The following KCNH1 variants were observed in gnomAD, a reference collection of about 807,000 sequenced individuals.
The protein encoded by KCNH1 is voltage-gated delayed rectifier potassium channel KCNH1.
Under a neutral mutation model 69.2 loss-of-function variants are expected in KCNH1, and 27 were observed. The observed-to-expected ratio is 0.39, with a 90% confidence interval of 0.29 to 0.54. The LOEUF is 0.54. Ranked by LOEUF, KCNH1 falls within the 20% of genes least tolerant of loss-of-function variation. KCNH1 has a pLI of 0.68. For synonymous variants in KCNH1, 456 were observed against 487.7 expected, an observed-to-expected ratio of 0.93 and a Z score of 0.86; for missense variants, 798 against 1,261.6, an observed-to-expected ratio of 0.63 and a Z score of 5.57.
At chr1:210,688,163 A>C (rs1681446953) in intron 10 of KCNH1, among the ~76,000 whole-genome samples, 1 of 152,210 alleles carries the variant, frequency 6.6e-6, no homozygotes, top group South Asian at 2.1e-4. Context: ...GCATTTCTTA[A>C]GCCAGTTCCC....
At chr1:210,825,588 G>A (rs79101519) in intron 7 of KCNH1, among the ~76,000 whole-genome samples, 1 of 152,190 alleles carries the variant, frequency 6.6e-6, no homozygotes, top group South Asian at 2.1e-4. Context: ...CTCATGAAGT[G>A]TCTGAAAAGG....
chr1:211,131,264 C>T (rs1446314787), intron 1 of KCNH1, among the ~76,000 whole-genome samples: 1 of 151,924 alleles, frequency 6.6e-6, no homozygotes, highest in Non-Finnish European at 1.5e-5. Context: ...GAAGTCAGTA[C>T]TATTATTCAT....
chr1:210,845,711 G>A (rs1187295920), intron 7 of KCNH1, among the ~76,000 whole-genome samples: 4 of 152,226 alleles, frequency 2.6e-5, no homozygotes, highest in Admixed American at 1.3e-4. Context: ...TCAACATAGT[G>A]TTGGAAGTTC....
intron 5 of KCNH1, among the ~76,000 whole-genome samples, chr1:211,029,696 AAT>A (rs1399462353): frequency 9.9e-5 from 15 of 152,280 alleles, no homozygotes; most frequent in African/African-American, 3.4e-4. Flanking sequence ...CTGCTGTTGC[AAT>A]AATGCAAAAA....
intron 7 of KCNH1, among the ~76,000 whole-genome samples, chr1:210,826,834 G>A (rs1685041142): frequency 6.6e-6 from 1 of 152,204 alleles, no homozygotes; most frequent in South Asian, 2.1e-4. Context: ...AACCCAGTGA[G>A]CAATTACCTA....
At chr1:211,127,805 C>A (rs1328051553) in intron 1 of KCNH1, among the ~76,000 whole-genome samples, 1 of 152,182 alleles carries the variant, frequency 6.6e-6, no homozygotes, top group Non-Finnish European at 1.5e-5. Context: ...AACTGTTTGA[C>A]AGCATCTACC....
At chr1:210,738,368 T>C (rs1447058739) in intron 10 of KCNH1, among the ~76,000 whole-genome samples, 1 of 152,084 alleles carries the variant, frequency 6.6e-6, no homozygotes, top group Non-Finnish European at 1.5e-5. Context: ...GAAACTCTCA[T>C]TGCATGTTTT....
intron 5 of KCNH1, among the ~76,000 whole-genome samples, chr1:211,055,355 G>A (rs1462255083): frequency 2.6e-5 from 4 of 152,148 alleles, no homozygotes; most frequent in African/African-American, 7.2e-5. Flanking sequence ...ACCCATGGAG[G>A]GAGAATTCAG....
At chr1:210,935,316 G>T (rs1323765147) in intron 6 of KCNH1, among the ~76,000 whole-genome samples, 3 of 152,028 alleles carry the variant, frequency 2.0e-5, no homozygotes, top group African/African-American at 7.2e-5. Flanking sequence ...AAGATAAAAA[G>T]GTTTCTCATA....
intron 4 of KCNH1, among the ~76,000 whole-genome samples, chr1:211,087,978 T>C (rs1243253599): frequency 6.6e-6 from 1 of 152,182 alleles, no homozygotes; most frequent in African/African-American, 2.4e-5. Flanking sequence ...GGACCCTTTG[T>C]GGGCGATTTG....
rs957101792 is a variant in KCNH1 at position 210,844,943 on chromosome 1, T to C, written c.1463-40777A>G. ...TACAAACTACCATCAGAGAATACTATAAACACCTCTACGCAAATAAACTAG... is the reference window on the plus strand; with the variant it reads ...TACAAACTACCATCAGAGAATACTACAAACACCTCTACGCAAATAAACTAG... On this transcript the variant is annotated intron_variant, in intron 7 of 10. Coordinates refer to ENST00000271751, the MANE Select transcript of KCNH1 (RefSeq NM_172362.3). Among the ~76,000 whole-genome samples, 51 of 152,142 alleles carry C rather than the reference T, an allele frequency of 3.4e-4. 1 individual carries two copies. Among genetic ancestry groups the C allele is most frequent in the African/African-American group, 1.2e-3 (48 of 41,430 alleles).
intron 7 of KCNH1, among the ~76,000 whole-genome samples, chr1:210,847,163 T>A (rs1432232025): frequency 6.6e-6 from 1 of 152,126 alleles, no homozygotes; most frequent in African/African-American, 2.4e-5. Flanking sequence ...ATTGTGGAAG[T>A]CAGTGTGGCG....
chr1:210,919,609 G>A lies in KCNH1; in HGVS notation c.1462+31C>T. 2 of 1,582,768 alleles carry A rather than the reference G, an allele frequency of 1.3e-6. No homozygotes were observed. The highest frequency in any genetic ancestry group is 2.2e-5 in the East Asian group (1 of 44,532). ...CTGTTTCCAGCTAACAGAAGAGATG[G>A]CCAACCCCACCCCAGCACTGTCATA... is the stretch of plus-strand genomic sequence containing the variant. On this transcript the variant is annotated intron_variant, in intron 7 of 10. Transcript: ENST00000271751. This position sits in a 1 kb window ranked among gnomAD's most constrained non-coding sequence, Gnocchi z 4.2.
At chr1:210,833,347 T>C (rs1156577904) in intron 7 of KCNH1, among the ~76,000 whole-genome samples, 1 of 152,080 alleles carries the variant, frequency 6.6e-6, no homozygotes. Flanking sequence ...TATGGATCAA[T>C]GGAACAGAAC....
At chr1:210,892,364 T>C (rs756673408) in intron 7 of KCNH1, among the ~76,000 whole-genome samples, 17 of 152,168 alleles carry the variant, frequency 1.1e-4, no homozygotes, top group Non-Finnish European at 2.4e-4. Context: ...CCTGAAGAAA[T>C]GCCAGTTTCT....
At chr1:211,057,156 T>C (rs1690326560) in intron 5 of KCNH1, among the ~76,000 whole-genome samples, 1 of 152,214 alleles carries the variant, frequency 6.6e-6, no homozygotes, top group Non-Finnish European at 1.5e-5. Context: ...TTTAGAATTC[T>C]ATCAGATAAA....
At chr1:211,013,180 G>T (rs551666455) in intron 6 of KCNH1, among the ~76,000 whole-genome samples, 1 of 152,206 alleles carries the variant, frequency 6.6e-6, no homozygotes. Flanking sequence ...ACAGCCATAA[G>T]TTAACAGGAT....
chr1:210,722,505 AGGGGAT>A (rs1417506029), intron 10 of KCNH1, among the ~76,000 whole-genome samples: 3 of 152,310 alleles, frequency 2.0e-5, no homozygotes, highest in Admixed American at 6.5e-5. Context: ...CCCTGGGAGC[AGGGGAT>A]GGAGAAGGGC....
intron 5 of KCNH1, among the ~76,000 whole-genome samples, chr1:211,035,236 C>CTTCTTTTTTTTTTT (rs1689873312): frequency 4.0e-5 from 3 of 75,050 alleles, no homozygotes; most frequent in African/African-American, 1.7e-4. Context: ...TACTGGCATT[C>CTTCTTTTTTTTTTT]TTTTTTTTTT....
Sources: gnomAD v4.1 joint callset for allele counts (sites outside exome capture counted in the v4.1 genomes callset) on GRCh38, gnomAD v4.1.1 for gene constraint, Gnocchi (gnomAD v3.1) non-coding constraint, MANE v1.5 for transcripts, NCBI Gene and HGNC (gene_info 2026-07-23, HGNC 2026-07-21) for gene names.